Variants in LNX2 observed in about 807,000 individuals in gnomAD.
LNX2 encodes ligand of numb-protein X 2.
LNX2 carries 35 observed loss-of-function variants against 66.2 expected under a neutral mutation model. The observed-to-expected ratio is 0.53, with a 90% CI of 0.40 to 0.70. LNX2 has a LOEUF of 0.70. Among genes scored for constraint, LNX2 ranks in the 30% least tolerant of loss-of-function variants. The pLI is 0.00. For missense variants in LNX2, 791 were observed against 850.8 expected (o/e 0.93, Z 0.87); for synonymous variants, 337 against 315.6 (o/e 1.07, Z -0.72).
intron 1 of LNX2, among the ~76,000 whole-genome samples, chr13:27,615,407 G>C (rs1488901740): frequency 6.6e-6 from 1 of 152,232 alleles, no homozygotes; most frequent in Non-Finnish European, 1.5e-5. Flanking sequence ...CATGTGATCA[G>C]CTGTCCAGAA....
intron 8 of LNX2, 66 bp from the exon 9 acceptor site, chr13:27,550,557 T>C: frequency 8.4e-7 from 1 of 1,191,148 alleles, no homozygotes; most frequent in Non-Finnish European, 1.2e-6. Flanking sequence ...TTATTTTTGT[T>C]ATAACCCCAT....
rs529213805 is a variant in LNX2, at chr13:27,547,146, A to G, written c.*1189T>C. ...AGCTGTGATATATAGGTATTTAATAATATGGTTTTATCTTTATCATTTCGT... is the reference window on the plus strand; with the variant it reads ...AGCTGTGATATATAGGTATTTAATAGTATGGTTTTATCTTTATCATTTCGT... On this transcript the variant is annotated 3_prime_UTR_variant, in exon 10 of 10. Coordinates refer to ENST00000316334, the MANE Select transcript of LNX2 (RefSeq NM_153371.4). The G allele has an allele frequency of 1.3e-5, 2 of 152,336 alleles. No homozygotes were observed. The highest frequency in any genetic ancestry group is 3.8e-4 in the East Asian group (2 of 5,196). The allele number at this position is 152,336 out of a possible 1,614,324, so 9.4% of individuals were successfully genotyped here. A position where few individuals can be genotyped will look rare whatever the true frequency, so the allele number is the denominator to read the frequency against.
In LNX2 at chr13:27,548,154, G is replaced by T. The variant is rs1190292524; in HGVS notation, c.*181C>A. The T allele has an allele frequency of 7.1e-6, 4 of 565,384 alleles. No homozygotes were observed. Among genetic ancestry groups the T allele is most frequent in the African/African-American group, 1.9e-5 (1 of 53,376 alleles). 35.0% of individuals were successfully genotyped at this position (565,384 alleles called of 1,614,324 possible). On this transcript the variant is annotated 3_prime_UTR_variant, in exon 10 of 10. Transcript: ENST00000316334. ...GTGGAAGACTGTTTCCAAGCTAAAA[G>T]AAATGTAACTAACTTAGGAAACCAT...
intron 7 of LNX2, among the ~76,000 whole-genome samples, chr13:27,555,650 T>C (rs1373852113): frequency 6.6e-6 from 1 of 152,192 alleles, no homozygotes; most frequent in Non-Finnish European, 1.5e-5. Flanking sequence ...TTAATTTGTG[T>C]TTATGGTGTG....
In LNX2 at chr13:27,546,356, T is replaced by C. The variant is rs1161551787; in HGVS notation, c.*1979A>G. 1 of 152,196 alleles carries C rather than the reference T, an allele frequency of 6.6e-6. No homozygotes were observed. The highest frequency in any genetic ancestry group is 2.4e-5 in the African/African-American group (1 of 41,454). The allele number at this position is 152,196 out of a possible 1,614,324, so 9.4% of individuals were successfully genotyped here. A position where few individuals can be genotyped will look rare whatever the true frequency, so the allele number is the denominator to read the frequency against. The stretch of plus-strand genomic sequence containing the variant: ...GCAAAGTTGGTTACAAAATTCTATT[T>C]GGGGAGCAGGGAAAAAACTTGTTCC... On this transcript the variant is annotated 3_prime_UTR_variant, in exon 10 of 10. Transcript: ENST00000316334.
At chr13:27,603,013 TCTA>T (rs1332753697) in intron 1 of LNX2, among the ~76,000 whole-genome samples, 1 of 152,194 alleles carries the variant, frequency 6.6e-6, no homozygotes, top group African/African-American at 2.4e-5. Context: ...TAAACTTTTT[TCTA>T]CTTTCAAGAA....
chr13:27,553,138 A>C, intron 8 of LNX2, 70 bp downstream of exon 8: 1 of 1,265,842 alleles, frequency 7.9e-7, no homozygotes, highest in South Asian at 1.3e-5. Flanking sequence ...TAAATTTATC[A>C]TGCTACACAC....
chr13:27,556,214 AT>A, intron 7 of LNX2, 21 bp downstream of exon 7: 1 of 1,600,178 alleles, frequency 6.2e-7, no homozygotes, highest in Non-Finnish European at 8.5e-7. Context: ...ATGTGGTAAA[AT>A]TTTTCAAGAT....
chr13:27,561,106 T>C lies in LNX2; in HGVS notation c.1225-1121A>G, dbSNP rs561065964. Reference sequence around the variant, plus strand: ...GGAGAAAATTATAGCACAAAATACGTTGAAACTATTTATAACATCCAAATA... The same window carrying C: ...GGAGAAAATTATAGCACAAAATACGCTGAAACTATTTATAACATCCAAATA... On this transcript the variant is annotated intron_variant, in intron 5 of 9. Transcript: ENST00000316334. 8.5e-5 allele frequency among the ~76,000 whole-genome samples: 13 copies of C among 152,322 alleles called. No homozygotes were observed. In the South Asian group the frequency reaches 1.9e-3, roughly 22 times the overall value.
chr13:27,567,166 T>G (rs1260252877), intron 4 of LNX2, among the ~76,000 whole-genome samples: 3 of 152,098 alleles, frequency 2.0e-5, no homozygotes. Flanking sequence ...TATCTTATAA[T>G]CTGTGGTATA....
At chr13:27,552,843 TG>T (rs1030658016) in intron 8 of LNX2, among the ~76,000 whole-genome samples, 1 of 152,218 alleles carries the variant, frequency 6.6e-6, no homozygotes, top group Non-Finnish European at 1.5e-5. Context: ...GCTTCTGGGA[TG>T]GGGGGAAGCC....
upstream of LNX2, chr13:27,620,997 G>A (rs1012363345): frequency 1.3e-5 from 2 of 153,170 alleles, no homozygotes; most frequent in Non-Finnish European, 2.9e-5. Context: ...GTCGGGGCCA[G>A]CGGCGAGGGG....
chr13:27,576,786 A>C (rs943758102), intron 2 of LNX2, among the ~76,000 whole-genome samples: 4 of 152,154 alleles, frequency 2.6e-5, no homozygotes, highest in African/African-American at 9.7e-5. Flanking sequence ...AATACACATT[A>C]TGATTTCTCA....
At chr13:27,616,773 G>T (rs575148303) in intron 1 of LNX2, among the ~76,000 whole-genome samples, 1 of 152,090 alleles carries the variant, frequency 6.6e-6, no homozygotes, top group Admixed American at 6.5e-5. Flanking sequence ...TTTTTGAGAT[G>T]GAGTCTAGCT....
intron 6 of LNX2, among the ~76,000 whole-genome samples, chr13:27,558,975 AG>A (rs1411944088): frequency 6.6e-6 from 1 of 152,150 alleles, no homozygotes; most frequent in Non-Finnish European, 1.5e-5. Flanking sequence ...TGCTTAGTAA[AG>A]CAATTTAATT....
Position 27,548,364 on chromosome 13 carries a change from C to T in LNX2, c.2044G>A (p.Val682Ile), listed in dbSNP as rs375556860. The T allele has an allele frequency of 3.9e-5, 63 of 1,613,708 alleles. No homozygotes were observed. The highest frequency in any genetic ancestry group is 2.0e-4 in the African/African-American group (15 of 74,914). Residue 682 changes from valine (V) to isoleucine (I), a missense_variant, in exon 10 of 10, where the codon GTT becomes ATT. Transcript: ENST00000316334. ...KEQRNKVTLT[V>I]ICWPGSLV is the part of the protein sequence containing the mutation. ...ACAAGGCTGCCAGGCCAACAAATAA[C>T]GGTCAGAGTGACTTTGTTCCTCTGC... is the stretch of plus-strand genomic sequence containing the variant.
At chr13:27,618,650 C>T (rs2138500002) in intron 1 of LNX2, among the ~76,000 whole-genome samples, 1 of 152,270 alleles carries the variant, frequency 6.6e-6, no homozygotes, top group South Asian at 2.1e-4. Flanking sequence ...CAAGTCAATT[C>T]AGTAAATATT....
At chr13:27,582,983 T>C (rs1290267608) in intron 1 of LNX2, among the ~76,000 whole-genome samples, 2 of 152,078 alleles carry the variant, frequency 1.3e-5, no homozygotes, top group Non-Finnish European at 2.9e-5. Flanking sequence ...ACACAGATTA[T>C]AGAAAGATAC....
intron 1 of LNX2, among the ~76,000 whole-genome samples, chr13:27,619,052 T>G (rs1411302515): frequency 6.6e-6 from 1 of 152,188 alleles, no homozygotes; most frequent in Non-Finnish European, 1.5e-5. Context: ...ACTTTATCAG[T>G]GGCTAAATGA....
Sources: allele counts gnomAD v4.1 joint callset (sites outside exome capture counted in the v4.1 genomes callset), GRCh38; gene constraint gnomAD v4.1.1; transcripts MANE v1.5; gene names NCBI Gene and HGNC (gene_info 2026-07-23, HGNC 2026-07-21).